The following ATXN1 variants were observed in gnomAD, a reference collection of about 807,000 sequenced individuals.
The protein encoded by ATXN1 is ataxin-1.
Under a neutral mutation model 56.4 loss-of-function variants are expected in ATXN1, and 8 were observed. The observed-to-expected ratio is 0.14, with a 90% CI of 0.08 to 0.26. ATXN1 has a LOEUF of 0.26. Ranked by LOEUF, ATXN1 falls within the 10% of genes least tolerant of loss-of-function variation. The probability of loss-of-function intolerance (pLI) is 1.00; values close to 1 mark genes in which losing one functional copy is unlikely to be tolerated. For missense variants in ATXN1, 987 were observed against 1,106.5 expected (o/e 0.89, Z 1.53); for synonymous variants, 514 against 494.6 (o/e 1.04, Z -0.52).
At chr6:16,311,627 TAGAC>T (rs1219836415) in intron 7 of ATXN1, among the ~76,000 whole-genome samples, 1 of 152,212 alleles carries the variant, frequency 6.6e-6, no homozygotes, top group African/African-American at 2.4e-5. Context: ...CATATATACA[TAGAC>T]AAATATACTT....
intron 6 of ATXN1, among the ~76,000 whole-genome samples, chr6:16,467,280 T>G (rs575898246): frequency 6.6e-6 from 1 of 152,216 alleles, no homozygotes; most frequent in African/African-American, 2.4e-5. Flanking sequence ...GCACAACATA[T>G]GCAGAAACAC....
intron 6 of ATXN1, among the ~76,000 whole-genome samples, chr6:16,384,592 G>C (rs946412148): frequency 6.6e-5 from 10 of 152,352 alleles, no homozygotes; most frequent in Admixed American, 3.3e-4. Context: ...GTAATCCCCA[G>C]TGTTTGGAGG....
chr6:16,705,561 C>T (rs934398915), intron 2 of ATXN1, among the ~76,000 whole-genome samples: 1 of 152,150 alleles, frequency 6.6e-6, no homozygotes. Context: ...ACACTACCCC[C>T]CTCTCATTCA....
intron 4 of ATXN1, among the ~76,000 whole-genome samples, chr6:16,569,320 A>C (rs565935171): frequency 6.6e-6 from 1 of 152,222 alleles, no homozygotes; most frequent in African/African-American, 2.4e-5. Flanking sequence ...GGAGTTCGAG[A>C]CCAGCCTGAC....
intron 4 of ATXN1, among the ~76,000 whole-genome samples, chr6:16,577,035 G>C (rs574804367): frequency 6.6e-6 from 1 of 152,214 alleles, no homozygotes; most frequent in South Asian, 2.1e-4. Flanking sequence ...AAGATTTACC[G>C]TGCTTCACTG....
chr6:16,658,588 C>T (rs1259731402), intron 2 of ATXN1, among the ~76,000 whole-genome samples: 3 of 152,232 alleles, frequency 2.0e-5, no homozygotes, highest in South Asian at 2.1e-4. Flanking sequence ...ATTAGAACCT[C>T]GTCTGACAAG....
chr6:16,310,831 C>A (rs1760371973), intron 7 of ATXN1, among the ~76,000 whole-genome samples: 1 of 152,182 alleles, frequency 6.6e-6, no homozygotes, highest in Non-Finnish European at 1.5e-5. Context: ...AACACACATG[C>A]ATAATTGAAG....
At chr6:16,704,131 T>C (rs1224177524) in intron 2 of ATXN1, among the ~76,000 whole-genome samples, 1 of 152,234 alleles carries the variant, frequency 6.6e-6, no homozygotes, top group Non-Finnish European at 1.5e-5. Flanking sequence ...AAACACGTCA[T>C]GGAGCCCACA....
intron 5 of ATXN1, among the ~76,000 whole-genome samples, chr6:16,489,959 G>T (rs901390883): frequency 2.0e-5 from 3 of 152,090 alleles, no homozygotes; most frequent in African/African-American, 7.2e-5. Context: ...CCCAGGTGAT[G>T]CTGATACTGC....
intron 4 of ATXN1, among the ~76,000 whole-genome samples, chr6:16,530,664 AC>A (rs1310741380): frequency 5.3e-5 from 8 of 152,230 alleles, no homozygotes; most frequent in Non-Finnish European, 8.8e-5. Flanking sequence ...TAGGCTTAGT[AC>A]CTGGTGACAA....
At chr6:16,562,540 A>G (rs957189693) in intron 4 of ATXN1, among the ~76,000 whole-genome samples, 1 of 151,054 alleles carries the variant, frequency 6.6e-6, no homozygotes, top group Non-Finnish European at 1.5e-5. Flanking sequence ...AGAAAAAGAA[A>G]AGAAAAGAAA....
intron 2 of ATXN1, among the ~76,000 whole-genome samples, chr6:16,665,754 T>G (rs897744709): frequency 2.6e-5 from 4 of 152,154 alleles, no homozygotes; most frequent in South Asian, 2.1e-4. Flanking sequence ...AGATAAACCA[T>G]GAGGGCACCA....
At chr6:16,603,178 G>C (rs1762943057) in intron 3 of ATXN1, among the ~76,000 whole-genome samples, 1 of 152,212 alleles carries the variant, frequency 6.6e-6, no homozygotes, top group Admixed American at 6.5e-5. Flanking sequence ...GTTTCTGAGA[G>C]CTTGAGGTCT....
rs1038106192 is a variant in ATXN1, at chr6:16,760,513, C to T, written c.-730+785G>A. On this transcript the variant is annotated intron_variant, in intron 1 of 7. Coordinates refer to ENST00000436367, the MANE Select transcript of ATXN1 (RefSeq NM_001128164.2). The surrounding 1 kb of genome is among the most constrained non-coding windows in gnomAD (Gnocchi z 5.3). ...CGTCACCGCCACTCCAGCCGCGCTC[C>T]AGGCACCCGCACACCCGCTACCCCC... 1.3e-4 allele frequency among the ~76,000 whole-genome samples: 20 copies of T among 151,444 alleles called. No homozygotes were observed. The highest frequency in any genetic ancestry group is 4.8e-4 in the African/African-American group (20 of 41,358).
intron 5 of ATXN1, among the ~76,000 whole-genome samples, chr6:16,515,821 G>A (rs528770114): frequency 1.8e-4 from 28 of 152,232 alleles, no homozygotes; most frequent in Non-Finnish European, 3.4e-4. Context: ...GGATGCAGGA[G>A]GGGGATGGTA....
chr6:16,720,498 T>A (rs1042629338), intron 2 of ATXN1, among the ~76,000 whole-genome samples: 4 of 152,214 alleles, frequency 2.6e-5, no homozygotes, highest in Non-Finnish European at 5.9e-5. Flanking sequence ...ATGAATAAAT[T>A]ATTTTTCTGT....
chr6:16,338,965 C>T (rs764816961), intron 6 of ATXN1, among the ~76,000 whole-genome samples: 1 of 152,176 alleles, frequency 6.6e-6, no homozygotes, highest in African/African-American at 2.4e-5. Flanking sequence ...AAAGCTCAGA[C>T]GCTAAACTCA....
At chr6:16,601,388 T>C (rs1762908754) in intron 3 of ATXN1, among the ~76,000 whole-genome samples, 1 of 152,216 alleles carries the variant, frequency 6.6e-6, no homozygotes, top group African/African-American at 2.4e-5. Flanking sequence ...GAATGTATTA[T>C]AACAATAGTA....
At chr6:16,584,099 C>T (rs891537936) in intron 4 of ATXN1, among the ~76,000 whole-genome samples, 2 of 151,626 alleles carry the variant, frequency 1.3e-5, no homozygotes, top group Non-Finnish European at 2.9e-5. Flanking sequence ...CCCAATGTCA[C>T]ACTTCAAGAA....
Sources: allele counts gnomAD v4.1 joint callset (sites outside exome capture counted in the v4.1 genomes callset), GRCh38; gene constraint gnomAD v4.1.1; non-coding constraint Gnocchi (gnomAD v3.1); transcripts MANE v1.5; gene names NCBI Gene and HGNC (gene_info 2026-07-23, HGNC 2026-07-21).